The following KAZN variants were observed in gnomAD, a reference collection of about 807,000 sequenced individuals.
KAZN encodes kazrin.
A neutral mutation model predicts 87.4 loss-of-function variants in KAZN; 40 were observed. That is an observed-to-expected ratio of 0.46 (90% CI 0.36 to 0.60). KAZN has a LOEUF of 0.60. Among genes scored for constraint, KAZN ranks in the 20% least tolerant of loss-of-function variants. KAZN has a pLI of 0.00. For missense variants in KAZN, 898 were observed against 1,073.9 expected (o/e 0.84, Z 2.29); for synonymous variants, 466 against 458.3 (o/e 1.02, Z -0.22).
At position 15,077,539 on chromosome 1, in the gene KAZN, T is replaced by C. The variant is rs894033001; in HGVS notation, c.1222+11786T>C. On this transcript the variant is annotated intron_variant, in intron 8 of 14. Transcript: ENST00000376030. This position sits in a 1 kb window ranked among gnomAD's most constrained non-coding sequence, Gnocchi z 4.8. ...CGGAGGCCTTGAGTCACTGCAGGAATCCTGAGCTCCACCGCTCCTCCGCAA... is the reference window on the plus strand; with the variant it reads ...CGGAGGCCTTGAGTCACTGCAGGAACCCTGAGCTCCACCGCTCCTCCGCAA... Among the ~76,000 whole-genome samples, 37 of 152,170 alleles carry C rather than the reference T, an allele frequency of 2.4e-4. No individual in the cohort carries two copies. The highest frequency in any genetic ancestry group is 8.2e-4 in the African/African-American group (34 of 41,440).
At chr1:14,047,604 C>G (rs1346580222) in intron 1 of KAZN, among the ~76,000 whole-genome samples, 2 of 152,172 alleles carry the variant, frequency 1.3e-5, no homozygotes, top group Admixed American at 1.3e-4. Context: ...CATGGCGGCT[C>G]AGCCTGTAAT....
chr1:14,331,084 A>C (rs1571319610), intron 2 of KAZN, among the ~76,000 whole-genome samples: 1 of 152,224 alleles, frequency 6.6e-6, no homozygotes, highest in Non-Finnish European at 1.5e-5. Flanking sequence ...TGGTGTGAGC[A>C]TAAGAGATAG....
At chr1:14,652,765 G>A (rs186530062) in intron 1 of KAZN, among the ~76,000 whole-genome samples, 21 of 148,376 alleles carry the variant, frequency 1.4e-4, no homozygotes, top group Admixed American at 1.2e-3. Context: ...ACCCATCCAC[G>A]CATCCAGAAA....
intron 2 of KAZN, among the ~76,000 whole-genome samples, chr1:14,395,805 C>A (rs1662848766): frequency 6.6e-6 from 1 of 152,086 alleles, no homozygotes; most frequent in Admixed American, 6.6e-5. Context: ...CAGCAGGGGG[C>A]ACCAAACAGG....
intron 2 of KAZN, among the ~76,000 whole-genome samples, chr1:14,408,115 A>C (rs571719113): frequency 3.3e-5 from 5 of 152,180 alleles, no homozygotes; most frequent in Non-Finnish European, 7.4e-5. Context: ...ATTAGGACCT[A>C]TTAAGGTGAG....
At chr1:14,001,546 G>C (rs12125487) in intron 1 of KAZN, among the ~76,000 whole-genome samples, 22,045 of 151,986 alleles carry the variant, frequency 0.15, 1,688 homozygotes, top group Middle Eastern at 0.22. Context: ...ATATAGCCAA[G>C]ACAATCCTAG....
At chr1:13,902,630 G>A (rs2100842753) in intron 1 of KAZN, among the ~76,000 whole-genome samples, 1 of 152,324 alleles carries the variant, frequency 6.6e-6, no homozygotes, top group African/African-American at 2.4e-5. Flanking sequence ...TCTAGTGTTT[G>A]ATAGCTCTGG....
intron 4 of KAZN, among the ~76,000 whole-genome samples, chr1:15,048,497 A>G (rs549842024): frequency 1.3e-4 from 20 of 152,298 alleles, no homozygotes; most frequent in African/African-American, 4.6e-4. Flanking sequence ...ACATGAGCCT[A>G]CCGTTGCCCC....
chr1:14,750,265 G>A (rs1015690970), intron 1 of KAZN, among the ~76,000 whole-genome samples: 19 of 151,866 alleles, frequency 1.3e-4, no homozygotes, highest in Admixed American at 3.9e-4. Flanking sequence ...TCATGGGTGC[G>A]GCCACAGACA....
chr1:14,733,233 G>T lies in KAZN; in HGVS notation c.226+134010G>T, dbSNP rs534646817. ...CAGTCTGAGTGATTGCAGAATTCTCGCATGTTCCCGGCAGCCTGTGCTTGG... is the reference window on the plus strand; with the variant it reads ...CAGTCTGAGTGATTGCAGAATTCTCTCATGTTCCCGGCAGCCTGTGCTTGG... On this transcript the variant is annotated intron_variant, in intron 1 of 14. Transcript: ENST00000376030. Among the ~76,000 whole-genome samples, 11 of 152,194 alleles carry T rather than the reference G, an allele frequency of 7.2e-5. No individual in the cohort carries two copies. The South Asian group carries it at 1.0e-3, about 14-fold the overall frequency.
chr1:14,494,324 C>T (rs995851968), intron 2 of KAZN, among the ~76,000 whole-genome samples: 2 of 152,132 alleles, frequency 1.3e-5, no homozygotes, highest in Non-Finnish European at 2.9e-5. Context: ...AGCACACAAC[C>T]GTGGCTGGGC....
At chr1:15,062,531 T>C (rs544431427) in intron 6 of KAZN, 4 of 152,640 alleles carry the variant, frequency 2.6e-5, no homozygotes, top group Non-Finnish European at 2.9e-5. Flanking sequence ...CCAGCAAGAA[T>C]AGTGCAGCCT....
chr1:14,035,315 A>T (rs2101357602), intron 1 of KAZN, among the ~76,000 whole-genome samples: 1 of 152,282 alleles, frequency 6.6e-6, no homozygotes, highest in Non-Finnish European at 1.5e-5. Flanking sequence ...CCAGTTTTAT[A>T]AAACAGGAAA....
At position 15,056,108 on chromosome 1, in the gene KAZN, T is replaced by C. The variant is rs770473073; in HGVS notation, c.744T>C (p.Ala248=). ...AELAMAKQSL[A]TLTKDVPKRH... ...CTCTCCAGGCCAAACAGTCCTTAGC[T>C]ACGCTGACCAAGGACGTCCCCAAGC... Residue 248 remains alanine, a synonymous_variant, in exon 5 of 15, where the codon GCT becomes GCC. Coordinates refer to ENST00000376030, the MANE Select transcript of KAZN (RefSeq NM_201628.3). This position sits in a 1 kb window ranked among gnomAD's most constrained non-coding sequence, Gnocchi z 5.4. 4 of 1,612,566 alleles carry C rather than the reference T, an allele frequency of 2.5e-6. No homozygotes were observed. The highest frequency in any genetic ancestry group is 3.4e-6 in the Non-Finnish European group (4 of 1,178,914).
At chr1:14,909,902 A>T (rs1446158821) in intron 1 of KAZN, among the ~76,000 whole-genome samples, 1 of 152,126 alleles carries the variant, frequency 6.6e-6, no homozygotes, top group Non-Finnish European at 1.5e-5. Context: ...AAAGTACAAA[A>T]GTTAGCCAGG....
chr1:13,966,315 G>A (rs1641942578), intron 1 of KAZN, among the ~76,000 whole-genome samples: 1 of 152,206 alleles, frequency 6.6e-6, no homozygotes, highest in Non-Finnish European at 1.5e-5. Flanking sequence ...CAGGGACAAT[G>A]GGAGGGCAAG....
intron 2 of KAZN, among the ~76,000 whole-genome samples, chr1:14,573,280 C>A (rs1350961868): frequency 1.3e-5 from 2 of 152,152 alleles, no homozygotes; most frequent in Non-Finnish European, 2.9e-5. Context: ...AGCAGCTTTG[C>A]TAAAAGCAAC....
chr1:14,655,275 C>T (rs1638715930), intron 1 of KAZN, among the ~76,000 whole-genome samples: 1 of 152,180 alleles, frequency 6.6e-6, no homozygotes, highest in South Asian at 2.1e-4. Flanking sequence ...TAGGAACCCA[C>T]CTCCTCTGCT....
At chr1:14,102,095 G>C (rs139784973) in intron 1 of KAZN, among the ~76,000 whole-genome samples, 1 of 151,674 alleles carries the variant, frequency 6.6e-6, no homozygotes, top group Non-Finnish European at 1.5e-5. Context: ...TTATTTCTTG[G>C]AACTTAAAAA....
Sources: allele counts gnomAD v4.1 joint callset (sites outside exome capture counted in the v4.1 genomes callset), GRCh38; gene constraint gnomAD v4.1.1; non-coding constraint Gnocchi (gnomAD v3.1); transcripts MANE v1.5; gene names NCBI Gene and HGNC (gene_info 2026-07-23, HGNC 2026-07-21).